The following TAFA1 variants were observed in gnomAD, a reference collection of about 807,000 sequenced individuals.
TAFA1 encodes the protein chemokine-like protein TAFA-1.
TAFA1 carries 4 observed loss-of-function variants against 18.5 expected under a neutral mutation model. The observed-to-expected ratio is 0.22, with a 90% CI of 0.11 to 0.49. TAFA1 has a LOEUF of 0.49. TAFA1 is among the 20% of genes least tolerant of loss of function. The probability of loss-of-function intolerance (pLI) is 0.98; values close to 1 mark genes in which losing one functional copy is unlikely to be tolerated. For missense variants in TAFA1, 147 were observed against 169.0 expected, an observed-to-expected ratio of 0.87 and a Z score of 0.72; for synonymous variants, 56 against 55.2, an observed-to-expected ratio of 1.01 and a Z score of -0.06.
At chr3:68,359,879 T>G (rs2069438398) in intron 2 of TAFA1, among the ~76,000 whole-genome samples, 2 of 151,938 alleles carry the variant, frequency 1.3e-5, no homozygotes, top group Admixed American at 1.3e-4. Flanking sequence ...TTTCGTAGAA[T>G]CTATTAGTGA....
At chr3:68,430,339 C>A (rs1694205225) in intron 3 of TAFA1, among the ~76,000 whole-genome samples, 1 of 151,924 alleles carries the variant, frequency 6.6e-6, no homozygotes, top group African/African-American at 2.4e-5. Flanking sequence ...GAGAGAAAGC[C>A]ATGGTGGTGG....
At chr3:68,433,514 T>C (rs1199401602) in intron 3 of TAFA1, among the ~76,000 whole-genome samples, 1 of 152,104 alleles carries the variant, frequency 6.6e-6, no homozygotes, top group African/African-American at 2.4e-5. Flanking sequence ...TTTAATACTA[T>C]CTTTATTTCT....
intron 3 of TAFA1, among the ~76,000 whole-genome samples, chr3:68,487,674 C>G (rs1253643386): frequency 6.6e-6 from 1 of 150,940 alleles, no homozygotes; most frequent in Admixed American, 6.6e-5. Context: ...ACGGTGTGAA[C>G]CTGGGAGGTG....
At position 68,020,345 on chromosome 3, in the gene TAFA1, A is replaced by T. The variant is rs180993584; in HGVS notation, c.118+13601A>T. On this transcript the variant is annotated intron_variant, in intron 2 of 4. Coordinates refer to ENST00000478136, the MANE Select transcript of TAFA1 (RefSeq NM_213609.4). ...AACCGGGAGTTTACATCCCATCTCT[A>T]TCATTATTACACTTATTTGCTCCAG... Among the ~76,000 whole-genome samples, 4 of 151,840 alleles carry T rather than the reference A, an allele frequency of 2.6e-5. No homozygotes were observed. In the East Asian group the frequency reaches 7.7e-4, roughly 29 times the overall value.
At chr3:68,434,973 C>T (rs1274520621) in intron 3 of TAFA1, among the ~76,000 whole-genome samples, 2 of 152,106 alleles carry the variant, frequency 1.3e-5, no homozygotes, top group Non-Finnish European at 2.9e-5. Flanking sequence ...ACCAATAGGA[C>T]ATGATTTCTG....
intron 2 of TAFA1, among the ~76,000 whole-genome samples, chr3:68,189,709 G>C (rs770831276): frequency 1.3e-5 from 2 of 151,902 alleles, no homozygotes; most frequent in African/African-American, 2.4e-5. Context: ...TAAAGTCTCT[G>C]AGCCTCAGTT....
At chr3:68,084,492 G>C (rs1235743043) in intron 2 of TAFA1, among the ~76,000 whole-genome samples, 1 of 152,050 alleles carries the variant, frequency 6.6e-6, no homozygotes, top group African/African-American at 2.4e-5. Context: ...TCTTAGTCTT[G>C]TTTCCTTTAA....
chr3:68,515,331 C>A (rs989354928), intron 3 of TAFA1, among the ~76,000 whole-genome samples: 13 of 152,298 alleles, frequency 8.5e-5, no homozygotes, highest in African/African-American at 2.4e-4. Flanking sequence ...CCAGCTTCAG[C>A]AGGAGAGGAA....
Position 68,159,012 on chromosome 3 carries a change from T to G in TAFA1, c.118+152268T>G, listed in dbSNP as rs544761823. Among the ~76,000 whole-genome samples, 9 of 152,300 alleles carry G rather than the reference T, an allele frequency of 5.9e-5. No individual in the cohort carries two copies. The East Asian group carries it at 1.7e-3, about 29-fold the overall frequency. On this transcript the variant is annotated intron_variant, in intron 2 of 4. Coordinates refer to ENST00000478136, the MANE Select transcript of TAFA1 (RefSeq NM_213609.4). ...TCCTGTTCATTCAATCTGCAATTAC[T>G]GAATGCCAACCACATTACAAGCATT...
chr3:68,440,060 T>A (rs1424338911), intron 3 of TAFA1, among the ~76,000 whole-genome samples: 1 of 151,168 alleles, frequency 6.6e-6, no homozygotes, highest in Non-Finnish European at 1.5e-5. Context: ...CCAAATCTCA[T>A]CTCAAATTGT....
chr3:68,479,388 C>A (rs1033741585), intron 3 of TAFA1, among the ~76,000 whole-genome samples: 52 of 151,828 alleles, frequency 3.4e-4, no homozygotes, highest in African/African-American at 1.3e-3. Flanking sequence ...TTACATCTTG[C>A]TTTTTCTCAC....
chr3:68,075,418 A>T (rs967626952), intron 2 of TAFA1, among the ~76,000 whole-genome samples: 12 of 152,196 alleles, frequency 7.9e-5, no homozygotes, highest in Non-Finnish European at 4.4e-5. Flanking sequence ...CTATGATATT[A>T]CATTCAACCC....
At chr3:68,338,838 T>C (rs2069023429) in intron 2 of TAFA1, among the ~76,000 whole-genome samples, 1 of 152,212 alleles carries the variant, frequency 6.6e-6, no homozygotes, top group Non-Finnish European at 1.5e-5. Flanking sequence ...TGTTGTTTGC[T>C]TATGGGTTGG....
At chr3:68,227,694 C>CT (rs111507370) in intron 2 of TAFA1, among the ~76,000 whole-genome samples, 2 of 152,126 alleles carry the variant, frequency 1.3e-5, no homozygotes, top group African/African-American at 2.4e-5. Context: ...AGACTGTTGG[C>CT]TTTTTTTCTC....
intron 2 of TAFA1, among the ~76,000 whole-genome samples, chr3:68,173,560 G>A (rs924021584): frequency 2.0e-5 from 3 of 152,068 alleles, no homozygotes; most frequent in African/African-American, 7.2e-5. Context: ...TATATGAAGG[G>A]CCTATTTTAA....
intron 2 of TAFA1, among the ~76,000 whole-genome samples, chr3:68,411,345 C>T (rs913973402): frequency 2.6e-5 from 4 of 152,162 alleles, no homozygotes; most frequent in East Asian, 3.8e-4. Flanking sequence ...CAAAGGCATA[C>T]ACCCTTCTTG....
chr3:68,366,521 G>T lies in TAFA1; in HGVS notation c.119-50759G>T, dbSNP rs17047602. Among the ~76,000 whole-genome samples the T allele has an allele frequency of 9.2e-3, 1,408 of 152,286 alleles. 61 individuals carry two copies. The East Asian group carries it at 0.13, about 14-fold the overall frequency. ...AGCATATATGTCTGCAATGGAGAAA[G>T]GGACTTCGCTGGGTGGAAATGTAAA... On this transcript the variant is annotated intron_variant, in intron 2 of 4. Transcript: ENST00000478136.
At chr3:68,333,826 A>G (rs894612842) in intron 2 of TAFA1, among the ~76,000 whole-genome samples, 5 of 152,230 alleles carry the variant, frequency 3.3e-5, no homozygotes, top group African/African-American at 4.8e-5. Flanking sequence ...TCAGCCTTAC[A>G]AAAGAAGGAA....
chr3:68,387,357 G>T (rs910937082), intron 2 of TAFA1, among the ~76,000 whole-genome samples: 1 of 152,128 alleles, frequency 6.6e-6, no homozygotes, highest in Non-Finnish European at 1.5e-5. Flanking sequence ...GAGTTCTCCA[G>T]TTACACATAA....
Sources: gnomAD v4.1 joint callset for allele counts (sites outside exome capture counted in the v4.1 genomes callset) on GRCh38, gnomAD v4.1.1 for gene constraint, MANE v1.5 for transcripts, NCBI Gene and HGNC (gene_info 2026-07-23, HGNC 2026-07-21) for gene names.